HSDL2: variants seen among roughly 807,000 people sequenced by gnomAD.
HSDL2 encodes the protein hydroxysteroid dehydrogenase-like protein 2.
A neutral mutation model predicts 46.3 loss-of-function variants in HSDL2; 27 were observed. The ratio of observed to expected loss-of-function variants is 0.58; its 90% confidence interval spans 0.43 to 0.80. The LOEUF is 0.80. Among genes scored for constraint, HSDL2 ranks in the 30% least tolerant of loss-of-function variants. The pLI, the probability that HSDL2 is intolerant of heterozygous loss-of-function variation, is 0.00. For missense variants in HSDL2, 451 were observed against 502.7 expected, an observed-to-expected ratio of 0.90 and a Z score of 0.98; for synonymous variants, 153 against 163.6, an observed-to-expected ratio of 0.94 and a Z score of 0.50.
intron 4 of HSDL2, among the ~76,000 whole-genome samples, chr9:112,415,359 C>G (rs538519104): frequency 6.6e-6 from 1 of 152,048 alleles, no homozygotes; most frequent in Non-Finnish European, 1.5e-5. Flanking sequence ...ATACATTGTC[C>G]TAAGTATCTC....
chr9:112,465,151 CAG>C (rs1450270893), intron 10 of HSDL2, among the ~76,000 whole-genome samples: 1 of 152,124 alleles, frequency 6.6e-6, no homozygotes, highest in Non-Finnish European at 1.5e-5. Flanking sequence ...TTTTTTGAGA[CAG>C]AGTCTCGCGC....
intron 1 of HSDL2, among the ~76,000 whole-genome samples, chr9:112,399,564 GC>G (rs1831540521): frequency 6.6e-6 from 1 of 152,146 alleles, no homozygotes; most frequent in Admixed American, 6.5e-5. Flanking sequence ...GGAGACCAGA[GC>G]GTATCTCACT....
At chr9:112,387,961 C>T (rs956166044) in intron 1 of HSDL2, among the ~76,000 whole-genome samples, 3 of 151,880 alleles carry the variant, frequency 2.0e-5, no homozygotes, top group Non-Finnish European at 2.9e-5. Flanking sequence ...GCATTCAAGA[C>T]CAGGCTGGCC....
chr9:112,436,966 T>TTTC lies in HSDL2; in HGVS notation c.599-1463_599-1462insCTT, dbSNP rs1426480172. 5.6e-5 allele frequency among the ~76,000 whole-genome samples: 8 copies of TTTC among 143,878 alleles called. 1 individual carries two copies. The highest frequency in any genetic ancestry group is 1.8e-4 in the African/African-American group (7 of 38,072). The allele number at this position is 143,878 out of a possible 152,430, so 94.4% of individuals were successfully genotyped here. ...CTCTTTCTTTTCTTTTTTTCTTTTT[T>TTTC]TTTTTTTTTTTGAGACGGAGTCTCG... On this transcript the variant is annotated intron_variant, in intron 6 of 10. Coordinates refer to ENST00000398805, the MANE Select transcript of HSDL2 (RefSeq NM_032303.5).
chr9:112,471,281 A>G lies in HSDL2; in HGVS notation c.*737A>G, dbSNP rs1833568315. On this transcript the variant is annotated 3_prime_UTR_variant, in exon 11 of 11. Coordinates refer to ENST00000398805, the MANE Select transcript of HSDL2 (RefSeq NM_032303.5). ...TATGGGCTGAACTGTGTATCCCCCA[A>G]TTCATTTGTTGAGGTCCTAACTCCC... 2.6e-5 allele frequency: 4 copies of G among 152,192 alleles called. No homozygotes were observed. The highest frequency in any genetic ancestry group is 1.3e-4 in the Admixed American group (2 of 15,282). 9.4% of individuals were successfully genotyped at this position (152,192 alleles called of 1,614,324 possible).
intron 10 of HSDL2, among the ~76,000 whole-genome samples, chr9:112,461,502 A>G (rs1214337010): frequency 2.6e-5 from 4 of 152,248 alleles, no homozygotes; most frequent in Admixed American, 2.6e-4. Flanking sequence ...GTGAATCGGA[A>G]TCTTATAAAT....
Position 112,438,424 on chromosome 9 carries a change from T to C in HSDL2, c.599-7T>C. On this transcript the variant is annotated splice_polypyrimidine_tract_variant and splice_region_variant and intron_variant, in intron 6 of 10. Coordinates refer to ENST00000398805, the MANE Select transcript of HSDL2 (RefSeq NM_032303.5). ...TGAGTGTATGTGTGTGTGTGTTTTC[T>C]CTACAGCCATACACACTGCTGCTAT... 2 of 1,550,154 alleles carry C rather than the reference T, an allele frequency of 1.3e-6. No homozygotes were observed. The highest frequency in any genetic ancestry group is 2.5e-5 in the South Asian group (2 of 79,938).
chr9:112,420,236 C>T (rs1364246486), intron 6 of HSDL2, among the ~76,000 whole-genome samples: 1 of 152,124 alleles, frequency 6.6e-6, no homozygotes, highest in Non-Finnish European at 1.5e-5. Context: ...ATCACTTGAA[C>T]TTTGGAAGCA....
At chr9:112,383,187 C>T (rs1232941900) in intron 1 of HSDL2, among the ~76,000 whole-genome samples, 4 of 152,024 alleles carry the variant, frequency 2.6e-5, no homozygotes, top group Non-Finnish European at 4.4e-5. Context: ...GGTTCTCCTG[C>T]CTTAGCCTCA....
chr9:112,435,761 C>T (rs1038058219), intron 6 of HSDL2, among the ~76,000 whole-genome samples: 11 of 151,894 alleles, frequency 7.2e-5, no homozygotes, highest in Non-Finnish European at 1.5e-4. Flanking sequence ...CAAATAGGGT[C>T]TCACTCTGTC....
intron 1 of HSDL2, among the ~76,000 whole-genome samples, chr9:112,392,900 G>C (rs1831378747): frequency 6.6e-6 from 1 of 152,200 alleles, no homozygotes; most frequent in South Asian, 2.1e-4. Flanking sequence ...TTTGGGAACT[G>C]ATAAATGTCC....
Position 112,460,465 on chromosome 9 carries a change from T to C in HSDL2, c.1144+888T>C, listed in dbSNP as rs140445071. The stretch of plus-strand genomic sequence containing the variant: ...ATGTTCATATAAAAATTAGAAAATA[T>C]AGGCCAGGCCTGGTGGCTCGCGCCT... On this transcript the variant is annotated intron_variant, in intron 10 of 10. Coordinates refer to ENST00000398805, the MANE Select transcript of HSDL2 (RefSeq NM_032303.5). Among the ~76,000 whole-genome samples the C allele has an allele frequency of 4.6e-5, 7 of 152,316 alleles. No individual in the cohort carries two copies. In the East Asian group the frequency reaches 1.3e-3, roughly 29 times the overall value.
intron 1 of HSDL2, among the ~76,000 whole-genome samples, chr9:112,396,586 G>C (rs536143194): frequency 6.6e-6 from 1 of 152,106 alleles, no homozygotes; most frequent in African/African-American, 2.4e-5. Flanking sequence ...GACACCATAA[G>C]TTTATTCTCA....
chr9:112,444,931 G>A (rs751864423), intron 8 of HSDL2, among the ~76,000 whole-genome samples: 1 of 148,870 alleles, frequency 6.7e-6, no homozygotes, highest in Non-Finnish European at 1.5e-5. Flanking sequence ...AAGCTGGAGT[G>A]CAGTGGCTCG....
rs1833593630 is a variant in HSDL2 at position 112,472,194 on chromosome 9, GC to G, written c.*1655del. On this transcript the variant is annotated 3_prime_UTR_variant, in exon 11 of 11. Transcript: ENST00000398805. Reference sequence around the variant, plus strand: ...GAGCAAGCGTGATTATGATGAGGAAGCCCCCTCTGCTTTAATCCACACAAGG... The same window carrying G: ...GAGCAAGCGTGATTATGATGAGGAAGCCCCTCTGCTTTAATCCACACAAGG... The G allele has an allele frequency of 6.6e-6, 1 of 152,214 alleles. No homozygotes were observed. Among genetic ancestry groups the G allele is most frequent in the African/African-American group, 2.4e-5 (1 of 41,456 alleles). The allele number at this position is 152,214 out of a possible 1,614,324, so 9.4% of individuals were successfully genotyped here.
In HSDL2 at chr9:112,409,022, G is replaced by A. The variant is rs371610846; in HGVS notation, c.395+1G>A. 2.1e-5 allele frequency: 33 copies of A among 1,551,030 alleles called. No individual in the cohort carries two copies. Among genetic ancestry groups the A allele is most frequent in the Non-Finnish European group, 2.4e-5 (27 of 1,128,262 alleles). ...TGAACACCAGAGGCACCTACCTTGC[G>A]TAAGTTTGCAAGAAGAGTTGTTGGG... On this transcript the variant is annotated splice_donor_variant, in intron 4 of 10. Transcript: ENST00000398805. LOFTEE classifies it high-confidence loss of function.
At chr9:112,396,692 G>A (rs906815075) in intron 1 of HSDL2, among the ~76,000 whole-genome samples, 1 of 152,096 alleles carries the variant, frequency 6.6e-6, no homozygotes, top group Non-Finnish European at 1.5e-5. Flanking sequence ...TTGAGGTAAA[G>A]GGCCAGAACC....
intron 8 of HSDL2, among the ~76,000 whole-genome samples, chr9:112,451,948 A>G (rs1198964908): frequency 6.6e-6 from 1 of 152,204 alleles, no homozygotes; most frequent in African/African-American, 2.4e-5. Context: ...ATCTGGATAC[A>G]TCTGATCACT....
intron 1 of HSDL2, among the ~76,000 whole-genome samples, chr9:112,393,916 G>T (rs1196922149): frequency 2.0e-5 from 3 of 152,192 alleles, no homozygotes; most frequent in African/African-American, 7.2e-5. Context: ...GAATAGTCAG[G>T]CTGGAGGTAA....
Sources: gnomAD v4.1 joint callset for allele counts (sites outside exome capture counted in the v4.1 genomes callset) on GRCh38, gnomAD v4.1.1 for gene constraint, MANE v1.5 for transcripts, NCBI Gene and HGNC (gene_info 2026-07-23, HGNC 2026-07-21) for gene names.